Variants in USP42 observed in about 807,000 individuals in gnomAD.
The protein encoded by USP42 is ubiquitin carboxyl-terminal hydrolase 42.
In USP42, 23 loss-of-function variants were observed where a neutral mutation model predicts 113.0. The ratio of observed to expected loss-of-function variants is 0.20; its 90% CI spans 0.15 to 0.29. USP42 has a LOEUF of 0.29. Ranked by LOEUF, USP42 falls within the 10% of genes least tolerant of loss-of-function variation. The probability of loss-of-function intolerance (pLI) is 1.00; values close to 1 mark genes in which losing one functional copy is unlikely to be tolerated. For synonymous variants in USP42, 933 were observed against 699.0 expected, an observed-to-expected ratio of 1.33 and a Z score of -5.28; for missense variants, 2,174 against 1,779.8, an observed-to-expected ratio of 1.22 and a Z score of -3.99.
At chr7:6,105,870 C>T (rs926728422) in intron 1 of USP42, among the ~76,000 whole-genome samples, 8 of 152,182 alleles carry the variant, frequency 5.3e-5, no homozygotes, top group African/African-American at 1.9e-4. Context: ...GTTAATGACT[C>T]TTAGGAGGCC....
intron 3 of USP42, among the ~76,000 whole-genome samples, chr7:6,126,484 A>C (rs1484824276): frequency 6.6e-6 from 1 of 152,014 alleles, no homozygotes. Context: ...GACGGGTTTC[A>C]CCGTGTTAGC....
At chr7:6,140,309 C>T (rs1416223907) in intron 6 of USP42, 114 bp downstream of exon 6, 2 of 955,276 alleles carry the variant, frequency 2.1e-6, no homozygotes, top group Non-Finnish European at 3.2e-6. Context: ...CTCTCCAGCC[C>T]AGATTCTCAT....
the USP42 span, among the ~76,000 whole-genome samples, chr7:6,083,039 C>G: frequency 6.7e-6 from 1 of 148,174 alleles, no homozygotes; most frequent in Admixed American, 6.7e-5. Flanking sequence ...ATTGTCCTGC[C>G]TCAGCCTCCC....
chr7:6,154,301 C>G lies in USP42; in HGVS notation c.2747C>G (p.Ala916Gly). 2 of 1,585,584 alleles carry G rather than the reference C, an allele frequency of 1.3e-6. No homozygotes were observed. The highest frequency in any genetic ancestry group is 1.7e-6 in the Non-Finnish European group (2 of 1,166,784). ...MAPAGHPEGD[A>G]EPSPGERVED... is the part of the protein sequence containing the mutation. The stretch of plus-strand genomic sequence containing the variant: ...CCGGCCGGTCACCCGGAAGGGGACG[C>G]TGAGCCTAGCCCCGGCGAGAGGGTC... The change falls in exon 15 of 18, where the codon GCT becomes GGT. Residue 916 changes from alanine (A) to glycine (G), a missense_variant. Ala to Gly is a moderately conservative substitution (Grantham distance 60). Coordinates refer to ENST00000306177, the MANE Select transcript of USP42 (RefSeq NM_032172.3).
intron 8 of USP42, 118 bp from the exon 9 acceptor site, chr7:6,143,967 G>A (rs1038901294): frequency 5.3e-6 from 3 of 566,468 alleles, no homozygotes; most frequent in African/African-American, 2.0e-5. Context: ...TTCTCATCCA[G>A]TGTCCTTTTT....
chr7:6,149,840 C>T lies in USP42; in HGVS notation c.1644C>T (p.Asn548=). 2 of 1,614,014 alleles carry T rather than the reference C, an allele frequency of 1.2e-6. No homozygotes were observed. Among genetic ancestry groups the T allele is most frequent in the African/African-American group, 1.3e-5 (1 of 75,024 alleles). Residue 548 remains asparagine (N), a synonymous_variant, in exon 13 of 18, where the codon AAC becomes AAT. Coordinates refer to ENST00000306177, the MANE Select transcript of USP42 (RefSeq NM_032172.3). ...ACCTTCATAGTAATTCTTTGGAGAA[C>T]CCTACCAAGCCCGTTCCCTCTTCTA... The part of the protein sequence containing the change: ...QPNLHSNSLE[N]PTKPVPSSTI...
At chr7:6,090,344 A>T in the USP42 span, among the ~76,000 whole-genome samples, 4 of 120,116 alleles carry the variant, frequency 3.3e-5, no homozygotes, top group Non-Finnish European at 5.0e-5. Flanking sequence ...CTTTATATAT[A>T]TATTTATATA....
At chr7:6,098,012 C>T in the USP42 span, among the ~76,000 whole-genome samples, 2 of 144,430 alleles carry the variant, frequency 1.4e-5, no homozygotes, top group African/African-American at 5.3e-5. Context: ...TTAAGCGATT[C>T]TCCTGCCTCA....
the USP42 span, among the ~76,000 whole-genome samples, chr7:6,098,014 C>A: frequency 1.4e-5 from 2 of 146,612 alleles, no homozygotes; most frequent in Admixed American, 6.8e-5. Flanking sequence ...AAGCGATTCT[C>A]CTGCCTCAGC....
the USP42 span, among the ~76,000 whole-genome samples, chr7:6,085,950 C>G: frequency 6.6e-6 from 1 of 150,884 alleles, no homozygotes; most frequent in Non-Finnish European, 1.5e-5. Context: ...CCATAAGCCA[C>G]TCTTTGTAGG....
At chr7:6,151,288 T>TA (rs1223443846) in intron 14 of USP42, among the ~76,000 whole-genome samples, 2 of 152,208 alleles carry the variant, frequency 1.3e-5, no homozygotes, top group Admixed American at 6.5e-5. Context: ...CTCAATTTGT[T>TA]AAAAAAATTG....
At chr7:6,091,175 A>C in the USP42 span, among the ~76,000 whole-genome samples, 7 of 151,080 alleles carry the variant, frequency 4.6e-5, no homozygotes, top group Non-Finnish European at 1.0e-4. Flanking sequence ...TGATATTGTC[A>C]GTACATAGAG....
chr7:6,145,772 T>C (rs1045656765), intron 10 of USP42, 116 bp downstream of exon 10: 1 of 1,206,664 alleles, frequency 8.3e-7, no homozygotes, highest in Non-Finnish European at 1.2e-6. Context: ...ATACCCGAGG[T>C]AAAAATATTT....
At chr7:6,086,308 C>T in the USP42 span, among the ~76,000 whole-genome samples, 1 of 149,518 alleles carries the variant, frequency 6.7e-6, no homozygotes, top group South Asian at 2.1e-4. Context: ...TGGGTTCACG[C>T]CATTCTCCTG....
chr7:6,083,730 A>G, the USP42 span, among the ~76,000 whole-genome samples: 5 of 150,868 alleles, frequency 3.3e-5, no homozygotes, highest in Admixed American at 6.6e-5. Context: ...TGTGGCGTTT[A>G]TGTTTTTATT....
Position 6,157,034 on chromosome 7 carries a change from C to T in USP42, c.3922C>T (p.Arg1308Cys), listed in dbSNP as rs530309193. ...LRMESRDDRC[R>C]LFEYGQGD Reference sequence around the variant, plus strand: ...GATGGAAAGCAGGGATGACAGGTGTCGTCTCTTTGAGTATGGCCAGGGTAA... The same window carrying T: ...GATGGAAAGCAGGGATGACAGGTGTTGTCTCTTTGAGTATGGCCAGGGTAA... The change falls in exon 16 of 18, where the codon CGT (arginine) becomes TGT (cysteine). Residue 1308 changes from arginine (R) to cysteine (C), a missense_variant. Physicochemically the swap from Arg to Cys is radical, Grantham distance 180. Transcript: ENST00000306177. The surrounding 1 kb of genome is among the most constrained non-coding windows in gnomAD (Gnocchi z 4.1). 1.5e-5 allele frequency: 24 copies of T among 1,608,802 alleles called. No individual in the cohort carries two copies. The South Asian group carries it at 1.6e-4, about 10-fold the overall frequency.
intron 3 of USP42, among the ~76,000 whole-genome samples, chr7:6,125,707 AT>A (rs1333421532): frequency 2.6e-5 from 4 of 151,392 alleles, no homozygotes; most frequent in African/African-American, 9.7e-5. Flanking sequence ...ACTGCTTTTC[AT>A]TCCTTTTTAT....
chr7:6,115,340 G>C lies in USP42; in HGVS notation c.259G>C (p.Ala87Pro). Residue 87 changes from alanine (A) to proline (P), a missense_variant, in exon 3 of 18, where the codon GCT (alanine) becomes CCT (proline). Coordinates refer to ENST00000306177, the MANE Select transcript of USP42 (RefSeq NM_032172.3). ...TTTTCTAGCCCTAGGTGATGGCATC[G>C]CTCCTCCACAGAAAGTTCTTTTCCC... is the stretch of plus-strand genomic sequence containing the variant. ...QKDQALGDGI[A>P]PPQKVLFPSE... 6.2e-7 allele frequency: 1 copy of C among 1,613,878 alleles called. No individual in the cohort carries two copies. Among genetic ancestry groups the C allele is most frequent in the Non-Finnish European group, 8.5e-7 (1 of 1,179,870 alleles).
At chr7:6,132,956 C>T (rs1427499748) in intron 3 of USP42, among the ~76,000 whole-genome samples, 2 of 152,214 alleles carry the variant, frequency 1.3e-5, no homozygotes, top group Non-Finnish European at 2.9e-5. Context: ...CAGGCGTGAG[C>T]CACTGCGCCC....
Sources: gnomAD v4.1 joint callset for allele counts (sites outside exome capture counted in the v4.1 genomes callset) on GRCh38, gnomAD v4.1.1 for gene constraint, Gnocchi (gnomAD v3.1) non-coding constraint, MANE v1.5 for transcripts, NCBI Gene and HGNC (gene_info 2026-07-23, HGNC 2026-07-21) for gene names.